DDX3X: variants seen among roughly 807,000 people sequenced by gnomAD.
DDX3X encodes ATP-dependent RNA helicase DDX3X.
Under a neutral mutation model 52.7 loss-of-function variants are expected in DDX3X, and 4 were observed. The observed-to-expected ratio is 0.08, with a 90% CI of 0.04 to 0.17. DDX3X has a LOEUF of 0.17. DDX3X is among the 10% of genes least tolerant of loss of function. DDX3X has a pLI of 1.00. For synonymous variants in DDX3X, 192 were observed against 178.1 expected (o/e 1.08, Z -0.62); for missense variants, 222 against 548.6 (o/e 0.40, Z 5.95).
At chrX:41,350,590 CCAA>C (rs1165357680), downstream of DDX3X, 1 of 110,920 alleles carries the variant, frequency 9.0e-6, no homozygotes, top group Non-Finnish European at 1.9e-5. Context: ...TGTCAGTAGT[CCAA>C]CAAGTGATGG....
Position 41,350,202 on chromosome X carries a change from GCA to G in DDX3X, c.*2486_*2487del, listed in dbSNP as rs1438979404. On this transcript the variant is annotated 3_prime_UTR_variant, in exon 17 of 17. Coordinates refer to ENST00000644876, the MANE Select transcript of DDX3X (RefSeq NM_001356.5). ...TTTTATTAAAATAAAAAGTTGAACT[GCA>G]CAGTCTCCTTTGTTGTTGTCAATTG... 2 of 112,338 alleles carry G rather than the reference GCA, an allele frequency of 1.8e-5. No homozygotes were observed. The highest frequency in any genetic ancestry group is 3.8e-5 in the Non-Finnish European group (2 of 53,246). 9.3% of individuals were successfully genotyped at this position (112,338 alleles called of 1,213,427 possible).
chrX:41,333,774 G>A, upstream of DDX3X: 1 of 121,017 alleles, frequency 8.3e-6, no homozygotes, highest in East Asian at 2.5e-4. Flanking sequence ...TTGGAAAGGG[G>A]AGCGAATGCG....
At position 41,347,250 on chromosome X, in the gene DDX3X, GAGTT is replaced by G. The variant is rs768487795; in HGVS notation, c.1770-59_1770-56del. The G allele has an allele frequency of 1.4e-4, 156 of 1,123,150 alleles. No individual in the cohort carries two copies. In the South Asian group the frequency reaches 2.5e-3, roughly 18 times the overall value. The allele number at this position is 1,123,150 out of a possible 1,213,427, so 92.6% of individuals were successfully genotyped here. A position where few individuals can be genotyped will look rare whatever the true frequency, so the allele number is the denominator to read the frequency against. ...AAATTAGAAATTGGTCATTAGGAAA[GAGTT>G]AGGTTACTTTAGTGGAATTTCATCT... On this transcript the variant is annotated intron_variant, in intron 15 of 16. Coordinates refer to ENST00000644876, the MANE Select transcript of DDX3X (RefSeq NM_001356.5).
At chrX:41,343,989 A>G in intron 8 of DDX3X, 41 bp from the exon 9 acceptor site, 2 of 1,089,061 alleles carry the variant, frequency 1.8e-6, no homozygotes, top group Admixed American at 5.4e-5. Flanking sequence ...CTTTTCAAAC[A>G]GGGTAGGTAG....
intron 15 of DDX3X, 31 bp downstream of exon 15, chrX:41,347,043 A>T: frequency 8.7e-7 from 1 of 1,151,640 alleles, no homozygotes; most frequent in Non-Finnish European, 1.2e-6. Context: ...AATGAGGGGA[A>T]TGGGTGTTCA....
intron 1 of DDX3X, chrX:41,334,690 G>T (rs1319499033): frequency 9.9e-7 from 1 of 1,013,703 alleles, no homozygotes; most frequent in Non-Finnish European, 1.3e-6. Flanking sequence ...GGAGGGCTTC[G>T]GCCTTCACGG....
In DDX3X at chrX:41,334,233, G is replaced by C; in HGVS notation, c.-20G>C. 8.3e-7 allele frequency: 1 copy of C among 1,205,972 alleles called. No individual in the cohort carries two copies. Among genetic ancestry groups the C allele is most frequent in the African/African-American group, 1.7e-5 (1 of 57,868 alleles). On this transcript the variant is annotated 5_prime_UTR_variant, in exon 1 of 17. Coordinates refer to ENST00000644876, the MANE Select transcript of DDX3X (RefSeq NM_001356.5). ...CTCGCTTAGCAGCGGAAGACTCCGA[G>C]TTCTCGGTACTCTTCAGGGATGAGT... is the stretch of plus-strand genomic sequence containing the variant.
intron 1 of DDX3X, chrX:41,335,788 A>G (rs1025525597): frequency 3.6e-5 from 4 of 112,423 alleles, no homozygotes; most frequent in African/African-American, 1.3e-4. Context: ...TTGCTGACAC[A>G]TGTTGAATTG....
At position 41,341,636 on chromosome X, in the gene DDX3X, C is replaced by T. The variant is rs370236217; in HGVS notation, c.284+20C>T. ...GGGAAGGTAAGTGATTTCTTAATCA[C>T]CTTACGTGTATGTATAATAACAGTT... On this transcript the variant is annotated intron_variant, in intron 4 of 16. Coordinates refer to ENST00000644876, the MANE Select transcript of DDX3X (RefSeq NM_001356.5). The T allele has an allele frequency of 8.3e-7, 1 of 1,199,498 alleles. No homozygotes were observed. Among genetic ancestry groups the T allele is most frequent in the Admixed American group, 2.2e-5 (1 of 45,675 alleles).
intron 10 of DDX3X, 34 bp downstream of exon 10, chrX:41,344,433 G>A (rs769746384): frequency 1.7e-6 from 2 of 1,200,818 alleles, no homozygotes; most frequent in South Asian, 1.8e-5. Context: ...TTTTTGTTTT[G>A]TTTTGTTTTG....
rs1301239986 is a variant in DDX3X, at chrX:41,347,380, TCAG to T, written c.1846_1848del (p.Ser616del). On this transcript the variant is annotated inframe_deletion, in exon 16 of 17. Transcript: ENST00000644876. ...AGTAGCGGTGCCAGCAGTTCCAGCT[TCAG>T]CAGCAGCCGCGCAAGCAGCAGCCGC... The T allele has an allele frequency of 7.4e-6, 9 of 1,211,830 alleles. No homozygotes were observed. The East Asian group carries it at 2.1e-4, about 28-fold the overall frequency.
chrX:41,337,494 A>G (rs373453343), intron 2 of DDX3X, 29 bp downstream of exon 2: 1 of 1,132,216 alleles, frequency 8.8e-7, no homozygotes, highest in Admixed American at 2.3e-5. Context: ...GGGTTTATTG[A>G]ATATTAGAGC....
At chrX:41,336,000 G>A (rs748798281) in intron 1 of DDX3X, 3 of 112,159 alleles carry the variant, frequency 2.7e-5, no homozygotes, top group Non-Finnish European at 3.8e-5. Flanking sequence ...AAAGCGCAGT[G>A]GTGTTTTTGC....
rs2147352891 is a variant in DDX3X at position 41,343,776 on chromosome X, G to A, written c.719G>A (p.Ser240Asn). The change falls in exon 8 of 17, where the codon AGT becomes AAT. Residue 240 changes from serine to asparagine, a missense_variant. By Grantham distance (46) the Ser-to-Asn change is conservative. Transcript: ENST00000644876. ...GCAGCATTTCTGTTGCCCATCTTGA[G>A]TCAGATTTATTCAGATGGTCCAGGC... is the stretch of plus-strand genomic sequence containing the variant. ...KTAAFLLPILSQIYSDGPGEA... is the reference protein window; with the variant it reads ...KTAAFLLPILNQIYSDGPGEA... The A allele has an allele frequency of 8.3e-7, 1 of 1,211,198 alleles. No individual in the cohort carries two copies. Among genetic ancestry groups the A allele is most frequent in the Non-Finnish European group, 1.1e-6 (1 of 895,100 alleles).
At chrX:41,337,382 G>T in intron 1 of DDX3X, 26 bp from the exon 2 acceptor site, 6 of 1,191,177 alleles carry the variant, frequency 5.0e-6, no homozygotes, top group Non-Finnish European at 5.7e-6. Context: ...AGCACATGGG[G>T]TGCTAACCAT....
downstream of DDX3X, chrX:41,350,995 CAAA>C (rs1288790258): frequency 1.8e-5 from 2 of 111,796 alleles, no homozygotes; most frequent in East Asian, 5.6e-4. Context: ...GTCATGAACT[CAAA>C]ATAAGCATAA....
intron 5 of DDX3X, among the ~76,000 whole-genome samples, chrX:41,361,887 C>CT (rs1214872862): frequency 3.6e-5 from 4 of 110,919 alleles, no homozygotes; most frequent in Non-Finnish European, 7.5e-5. Context: ...TTCTCTCTGC[C>CT]TTTCCCTGCC....
intron 6 of DDX3X, 66 bp downstream of exon 6, chrX:41,342,902 G>A (rs1419444608): frequency 2.1e-6 from 2 of 930,792 alleles, no homozygotes; most frequent in Non-Finnish European, 3.1e-6. Context: ...ACATTAGAAT[G>A]TGAGATGGGC....
At chrX:41,334,475 C>T (rs917484925) in intron 1 of DDX3X, 178 bp downstream of exon 1, 1 of 1,098,823 alleles carries the variant, frequency 9.1e-7, no homozygotes, top group African/African-American at 1.8e-5. Context: ...GGGCTGTCGC[C>T]CGGGCCCGGT....
Sources: gnomAD v4.1 joint callset for allele counts (sites outside exome capture counted in the v4.1 genomes callset) on GRCh38, gnomAD v4.1.1 for gene constraint, MANE v1.5 for transcripts, NCBI Gene and HGNC (gene_info 2026-07-23, HGNC 2026-07-21) for gene names.